RGL1: variants seen among roughly 807,000 people sequenced by gnomAD.
RGL1 encodes ral guanine nucleotide dissociation stimulator-like 1.
Under a neutral mutation model 95.2 loss-of-function variants are expected in RGL1, and 24 were observed. That is an observed-to-expected ratio of 0.25 (90% CI 0.18 to 0.35). The LOEUF is 0.35. Among genes scored for constraint, RGL1 ranks in the 10% least tolerant of loss-of-function variants. The probability of loss-of-function intolerance (pLI) is 1.00; values close to 1 mark genes in which losing one functional copy is unlikely to be tolerated. For synonymous variants in RGL1, 329 were observed against 344.9 expected, an observed-to-expected ratio of 0.95 and a Z score of 0.51; for missense variants, 715 against 936.3, an observed-to-expected ratio of 0.76 and a Z score of 3.08.
intron 13 of RGL1, among the ~76,000 whole-genome samples, chr1:183,906,605 A>G (rs1043392283): frequency 9.9e-5 from 15 of 152,214 alleles, no homozygotes; most frequent in Admixed American, 7.9e-4. Context: ...GTGCACAAAC[A>G]CACATACAAA....
intron 4 of RGL1, among the ~76,000 whole-genome samples, chr1:183,875,457 T>G (rs928987621): frequency 1.3e-5 from 2 of 152,212 alleles, no homozygotes; most frequent in Non-Finnish European, 2.9e-5. Flanking sequence ...CTCTCTGCAT[T>G]GCGTGCCTGA....
At chr1:183,642,213 T>C (rs537242976) in intron 1 of RGL1, among the ~76,000 whole-genome samples, 1 of 152,180 alleles carries the variant, frequency 6.6e-6, no homozygotes, top group South Asian at 2.1e-4. Context: ...TTATTAGTAA[T>C]AGCAACCACT....
rs528296511 is a variant in RGL1 at position 183,702,233 on chromosome 1, G to GT, written c.-32-39883dup. Among the ~76,000 whole-genome samples the GT allele has an allele frequency of 1.6e-3, 234 of 150,092 alleles. No homozygotes were observed. In the South Asian group the frequency reaches 0.024, roughly 16 times the overall value. On this transcript the variant is annotated intron_variant, in intron 1 of 18. Transcript: ENST00000304685. ...AGAAGTTTCTGGACCCTAGTGAACA[G>GT]TTTTTTTTTTCTGTGAGTCATGGTG... is the stretch of plus-strand genomic sequence containing the variant.
chr1:183,742,841 A>G lies in RGL1; in HGVS notation c.132+552A>G, dbSNP rs192288211. On this transcript the variant is annotated intron_variant, in intron 2 of 18. Coordinates refer to the RGL1 transcript ENST00000304685. Reference sequence around the variant, plus strand: ...TTATTATGCGTTTGAGGTAAAATACATATTGGCAAGATATTGAAAACCATT... The same window carrying G: ...TTATTATGCGTTTGAGGTAAAATACGTATTGGCAAGATATTGAAAACCATT... Among the ~76,000 whole-genome samples the G allele has an allele frequency of 5.9e-5, 9 of 152,292 alleles. No individual in the cohort carries two copies. In the East Asian group the frequency reaches 9.7e-4, roughly 16 times the overall value.
chr1:183,908,676 T>G (rs1038221845), intron 14 of RGL1, among the ~76,000 whole-genome samples: 2 of 152,180 alleles, frequency 1.3e-5, no homozygotes, highest in African/African-American at 4.8e-5. Flanking sequence ...ATCAGCTCCC[T>G]GATAGAGGAG....
At chr1:183,855,267 T>A (rs997702908) in intron 3 of RGL1, among the ~76,000 whole-genome samples, 6 of 152,220 alleles carry the variant, frequency 3.9e-5, no homozygotes, top group South Asian at 4.1e-4. Flanking sequence ...TGTGCGTTTT[T>A]AATGAAAACC....
intron 2 of RGL1, among the ~76,000 whole-genome samples, chr1:183,764,222 A>G (rs1279198541): frequency 6.6e-6 from 1 of 152,214 alleles, no homozygotes; most frequent in Non-Finnish European, 1.5e-5. Flanking sequence ...GAAGGGTTTG[A>G]GTGCTTCAGC....
intron 2 of RGL1, among the ~76,000 whole-genome samples, chr1:183,763,890 G>T (rs1658831331): frequency 6.6e-6 from 1 of 152,162 alleles, no homozygotes; most frequent in Admixed American, 6.5e-5. Flanking sequence ...GACTCCTGCT[G>T]CCTGAATTCA....
chr1:183,787,247 C>T (rs1489861660), intron 2 of RGL1, among the ~76,000 whole-genome samples: 1 of 152,176 alleles, frequency 6.6e-6, no homozygotes, highest in South Asian at 2.1e-4. Flanking sequence ...GCATTGCTCT[C>T]TTCTTCACTC....
chr1:183,868,758 A>G (rs1665986132), intron 4 of RGL1, among the ~76,000 whole-genome samples: 1 of 152,236 alleles, frequency 6.6e-6, no homozygotes, highest in African/African-American at 2.4e-5. Context: ...TTTGGAACTC[A>G]GTCCAATCTA....
chr1:183,746,022 ATT>A (rs34076328), intron 2 of RGL1, among the ~76,000 whole-genome samples: 406 of 143,674 alleles, frequency 2.8e-3, no homozygotes, highest in African/African-American at 5.1e-3. Flanking sequence ...CCTTCAATTC[ATT>A]TTTTTTTTTT....
At chr1:183,837,083 A>C (rs542125330) in intron 2 of RGL1, among the ~76,000 whole-genome samples, 30 of 152,308 alleles carry the variant, frequency 2.0e-4, no homozygotes, top group African/African-American at 6.7e-4. Context: ...TAATGACTTG[A>C]CTTTAAAGTT....
chr1:183,881,028 T>A (rs768383618), intron 5 of RGL1, among the ~76,000 whole-genome samples: 2 of 152,144 alleles, frequency 1.3e-5, no homozygotes, highest in Non-Finnish European at 2.9e-5. Flanking sequence ...CTAATCTGGC[T>A]CCCTCATTTT....
At position 183,732,781 on chromosome 1, in the gene RGL1, A is replaced by G. The variant is rs112288751; in HGVS notation, c.-32-9345A>G. Among the ~76,000 whole-genome samples, 599 of 152,300 alleles carry G rather than the reference A, an allele frequency of 3.9e-3. 5 individuals carry two copies. The highest frequency in any genetic ancestry group is 0.014 in the African/African-American group (568 of 41,576). On this transcript the variant is annotated intron_variant, in intron 1 of 18. Transcript: ENST00000304685. The stretch of plus-strand genomic sequence containing the variant: ...ATATTTGCAATTTTAAAGAAAAAAA[A>G]TAGGTTCTAATTGAGTAACCATTGA...
intron 1 of RGL1, among the ~76,000 whole-genome samples, chr1:183,649,743 TTAAG>T (rs899387177): frequency 6.6e-6 from 1 of 152,232 alleles, no homozygotes; most frequent in African/African-American, 2.4e-5. Flanking sequence ...GCTGAGATCT[TTAAG>T]TAATGATTTT....
In RGL1 at chr1:183,883,654, G is replaced by A. The variant is rs551655449; in HGVS notation, c.611-132G>A. On this transcript the variant is annotated intron_variant, in intron 5 of 17. Transcript: ENST00000360851. Reference sequence around the variant, plus strand: ...CATTGTTCTCAGATGCATTGTGCTTGTGGTTGTCTCCCTGTGGCTGTTCTG... The same window carrying A: ...CATTGTTCTCAGATGCATTGTGCTTATGGTTGTCTCCCTGTGGCTGTTCTG... The A allele has an allele frequency of 7.6e-5, 66 of 873,186 alleles. No homozygotes were observed. The Admixed American group carries it at 9.2e-4, about 12-fold the overall frequency. The allele number at this position is 873,186 out of a possible 1,614,324, so 54.1% of individuals were successfully genotyped here. A position where few individuals can be genotyped will look rare whatever the true frequency, so the allele number is the denominator to read the frequency against.
chr1:183,780,503 T>C (rs757864480), intron 2 of RGL1, among the ~76,000 whole-genome samples: 2 of 152,190 alleles, frequency 1.3e-5, no homozygotes, highest in African/African-American at 2.4e-5. Context: ...TTTGCCAACC[T>C]GCCCTCTTCT....
Position 183,674,169 on chromosome 1 carries a change from G to T in RGL1, c.-33+37668G>T, listed in dbSNP as rs142247072. 3.0e-3 allele frequency among the ~76,000 whole-genome samples: 463 copies of T among 152,108 alleles called. 2 individuals are homozygous for T. The highest frequency in any genetic ancestry group is 0.011 in the African/African-American group (441 of 41,488). On this transcript the variant is annotated intron_variant, in intron 1 of 18. Transcript: ENST00000304685. ...CACCATGGGAGTGAGTCCAGCTCAG[G>T]ATTCACATTTCTAGGATGCCAAGAT...
chr1:183,755,383 T>A (rs1483630152), intron 2 of RGL1, among the ~76,000 whole-genome samples: 1 of 152,178 alleles, frequency 6.6e-6, no homozygotes, highest in African/African-American at 2.4e-5. Context: ...TGATTAACTG[T>A]AACTATTCTA....
Sources: gnomAD v4.1 joint callset for allele counts (sites outside exome capture counted in the v4.1 genomes callset) on GRCh38, gnomAD v4.1.1 for gene constraint, MANE v1.5 for transcripts, NCBI Gene and HGNC (gene_info 2026-07-23, HGNC 2026-07-21) for gene names.